Variants in GPR39 observed in about 807,000 individuals in gnomAD.
GPR39 encodes G protein-coupled receptor 39, also known as zinc sensing receptor.
GPR39 carries 23 observed loss-of-function variants against 18.4 expected under a neutral mutation model. That is an observed-to-expected ratio of 1.25 (90% CI 0.90 to 1.77). The LOEUF (loss-of-function observed/expected upper bound fraction) is 1.77. Ranked by LOEUF, GPR39 falls within the 40% of genes most tolerant of loss-of-function variation. GPR39 has a pLI of 0.00. For missense variants in GPR39, 647 were observed against 602.4 expected (o/e 1.07, Z -0.78); for synonymous variants, 280 against 257.9 (o/e 1.09, Z -0.82).
chr2:132,564,769 G>A (rs376926625), intron 1 of GPR39, among the ~76,000 whole-genome samples: 104 of 147,754 alleles, frequency 7.0e-4, no homozygotes, highest in Middle Eastern at 4.0e-3. Context: ...CAACACATTG[G>A]AATCACCTAG....
At chr2:132,621,808 C>A (rs1681447578) in intron 1 of GPR39, among the ~76,000 whole-genome samples, 1 of 152,188 alleles carries the variant, frequency 6.6e-6, no homozygotes, top group African/African-American at 2.4e-5. Flanking sequence ...ATTTATAAAA[C>A]CCCAAGCTGG....
intron 1 of GPR39, among the ~76,000 whole-genome samples, chr2:132,421,955 T>A (rs1004055802): frequency 3.9e-5 from 6 of 152,164 alleles, no homozygotes; most frequent in Non-Finnish European, 7.4e-5. Flanking sequence ...TGAAAACATT[T>A]GAAAAGAGGT....
At chr2:132,566,421 C>A (rs990449990) in intron 1 of GPR39, among the ~76,000 whole-genome samples, 14 of 151,972 alleles carry the variant, frequency 9.2e-5, no homozygotes, top group Non-Finnish European at 1.6e-4. Flanking sequence ...TCCCATTTGT[C>A]AATTTTGGCT....
intron 1 of GPR39, among the ~76,000 whole-genome samples, chr2:132,491,532 G>T (rs1009649881): frequency 3.3e-5 from 5 of 151,998 alleles, no homozygotes; most frequent in Non-Finnish European, 2.9e-5. Context: ...GGGAATAGGG[G>T]TGTAGGAGTG....
chr2:132,492,431 C>A (rs1042788400), intron 1 of GPR39, among the ~76,000 whole-genome samples: 1 of 135,522 alleles, frequency 7.4e-6, no homozygotes, highest in Non-Finnish European at 1.6e-5. Context: ...CATATATACA[C>A]CATATATATA....
At chr2:132,465,706 A>G (rs1680916485) in intron 1 of GPR39, among the ~76,000 whole-genome samples, 1 of 152,176 alleles carries the variant, frequency 6.6e-6, no homozygotes, top group African/African-American at 2.4e-5. Context: ...GTTGCATAAA[A>G]CAAAAAGTAT....
chr2:132,521,313 G>A (rs187980209), intron 1 of GPR39, among the ~76,000 whole-genome samples: 19 of 152,306 alleles, frequency 1.2e-4, no homozygotes, highest in African/African-American at 2.9e-4. Flanking sequence ...GATACTGGGC[G>A]GGCAACTGGC....
intron 1 of GPR39, among the ~76,000 whole-genome samples, chr2:132,585,214 C>G (rs927385708): frequency 6.6e-6 from 1 of 152,052 alleles, no homozygotes; most frequent in Non-Finnish European, 1.5e-5. Flanking sequence ...CTGCTTTTCC[C>G]GTAACAACTT....
intron 1 of GPR39, among the ~76,000 whole-genome samples, chr2:132,597,125 T>C (rs1048947823): frequency 2.6e-5 from 4 of 152,146 alleles, no homozygotes; most frequent in Admixed American, 1.3e-4. Context: ...GGATCTAAGC[T>C]ACCCTAAATG....
chr2:132,554,829 T>A (rs189404120), intron 1 of GPR39, among the ~76,000 whole-genome samples: 3 of 152,344 alleles, frequency 2.0e-5, no homozygotes, highest in Admixed American at 6.5e-5. Context: ...CTTTACAAAC[T>A]TTTTAGTGCA....
intron 1 of GPR39, among the ~76,000 whole-genome samples, chr2:132,581,780 A>G (rs778337671): frequency 3.9e-5 from 6 of 152,200 alleles, no homozygotes; most frequent in Non-Finnish European, 8.8e-5. Context: ...ATCACCTTCA[A>G]GAAGCTTTTA....
chr2:132,436,192 C>T (rs563691862), intron 1 of GPR39, among the ~76,000 whole-genome samples: 15 of 152,280 alleles, frequency 9.9e-5, no homozygotes, highest in Middle Eastern at 3.4e-3. Context: ...CCATTCTAGG[C>T]GGGAGCTTTT....
chr2:132,638,004 A>G (rs1681793976), intron 1 of GPR39, among the ~76,000 whole-genome samples: 1 of 152,112 alleles, frequency 6.6e-6, no homozygotes, highest in African/African-American at 2.4e-5. Flanking sequence ...AGCAAGAGGG[A>G]AAAATAGAAG....
intron 1 of GPR39, among the ~76,000 whole-genome samples, chr2:132,493,527 T>TATATATACAC (rs1553451805): frequency 7.7e-6 from 1 of 129,990 alleles, no homozygotes; most frequent in Admixed American, 7.8e-5. Flanking sequence ...TATATATATA[T>TATATATACAC]ACACACACCA....
intron 1 of GPR39, among the ~76,000 whole-genome samples, chr2:132,522,423 G>C (rs1679441641): frequency 6.6e-6 from 1 of 152,224 alleles, no homozygotes; most frequent in Non-Finnish European, 1.5e-5. Flanking sequence ...GACTGATTGG[G>C]AAGAACTGAA....
intron 1 of GPR39, among the ~76,000 whole-genome samples, chr2:132,454,730 T>C (rs1226298914): frequency 6.6e-6 from 1 of 152,236 alleles, no homozygotes; most frequent in Non-Finnish European, 1.5e-5. Flanking sequence ...TCTGCATCTA[T>C]TGAGATAATC....
At chr2:132,586,160 A>G (rs1199453302) in intron 1 of GPR39, among the ~76,000 whole-genome samples, 1 of 151,788 alleles carries the variant, frequency 6.6e-6, no homozygotes, top group Non-Finnish European at 1.5e-5. Context: ...TCAAAGAAAG[A>G]CGGTAAAGTA....
chr2:132,421,385 G>A (rs1680005472), intron 1 of GPR39, among the ~76,000 whole-genome samples: 1 of 152,176 alleles, frequency 6.6e-6, no homozygotes, highest in Admixed American at 6.5e-5. Context: ...GGACTCAGCT[G>A]CAACTACCTC....
intron 1 of GPR39, among the ~76,000 whole-genome samples, chr2:132,534,105 C>T (rs181660046): frequency 6.6e-6 from 1 of 152,078 alleles, no homozygotes; most frequent in East Asian, 1.9e-4. Flanking sequence ...TGACAAAGGG[C>T]TAATATGCAG....
Sources: gnomAD v4.1 joint callset for allele counts (sites outside exome capture counted in the v4.1 genomes callset) on GRCh38, gnomAD v4.1.1 for gene constraint, MANE v1.5 for transcripts, NCBI Gene and HGNC (gene_info 2026-07-23, HGNC 2026-07-21) for gene names.